ZNF865: variants seen among roughly 807,000 people sequenced by gnomAD.
The protein encoded by ZNF865 is zinc finger protein 865.
For missense variants in ZNF865, 1,311 were observed against 1,593.4 expected (o/e 0.82, Z 3.02); for synonymous variants, 763 against 750.8 (o/e 1.02, Z -0.27).
In ZNF865 at chr19:55,615,700, G is replaced by A. The variant is rs1311039466; in HGVS notation, c.2082G>A (p.Glu694=). The change falls in exon 2 of 2, where the codon GAG becomes GAA. Residue 694 remains glutamate, a synonymous_variant. Transcript: ENST00000568956. ...GTCACAAGGAGGTCCACATGGCAGA[G>A]AAGCCATACGGCTGCGACGCCTGCG... ...VMSHKEVHMA[E]KPYGCDACGK... The A allele has an allele frequency of 1.3e-6, 2 of 1,534,400 alleles. No homozygotes were observed. Among genetic ancestry groups the A allele is most frequent in the Admixed American group, 2.0e-5 (1 of 50,948 alleles).
At chr19:55,610,087 C>T (rs931133545) in intron 1 of ZNF865, among the ~76,000 whole-genome samples, 12 of 152,194 alleles carry the variant, frequency 7.9e-5, no homozygotes, top group African/African-American at 1.9e-4. Flanking sequence ...TGTCCCCCTC[C>T]GTTCCTCTGG....
intron 1 of ZNF865, among the ~76,000 whole-genome samples, chr19:55,607,069 A>G (rs774461844): frequency 1.3e-4 from 20 of 152,128 alleles, no homozygotes; most frequent in Admixed American, 3.3e-4. Context: ...AAGAGGAAGG[A>G]AGCTTTGGTC....
chr19:55,616,547 C>A lies in ZNF865; in HGVS notation c.2929C>A (p.Arg977Ser). The A allele has an allele frequency of 6.5e-7, 1 of 1,533,954 alleles. No individual in the cohort carries two copies. Among genetic ancestry groups the A allele is most frequent in the Non-Finnish European group, 8.7e-7 (1 of 1,145,832 alleles). ...CTTCTTCTACCTGAGCTCCGTGCTG[C>A]GCCACCAGCGCGCCCATGAGCCGCC... ...KGFFYLSSVL[R>S]HQRAHEPPRP... is the part of the protein sequence containing the mutation. Residue 977 changes from arginine to serine, a missense_variant, in exon 2 of 2, where the codon CGC becomes AGC. Coordinates refer to ENST00000568956, the MANE Select transcript of ZNF865 (RefSeq NM_001195605.2).
rs1257174910 is a variant in ZNF865 at position 55,614,775 on chromosome 19, G to A, written c.1157G>A (p.Ser386Asn). The part of the protein sequence containing the change: ...KPFSCSVCSK[S>N]FNRRESLKRH... Reference sequence around the variant, plus strand: ...TTCTCCTGCTCCGTGTGCAGCAAAAGCTTCAACCGCAGGGAGAGTCTGAAG... The same window carrying A: ...TTCTCCTGCTCCGTGTGCAGCAAAAACTTCAACCGCAGGGAGAGTCTGAAG... Residue 386 changes from serine (S) to asparagine (N), a missense_variant, in exon 2 of 2, where the codon AGC becomes AAC. Ser to Asn is a conservative substitution (Grantham distance 46). Coordinates refer to ENST00000568956, the MANE Select transcript of ZNF865 (RefSeq NM_001195605.2). This position sits in a 1 kb window ranked among gnomAD's most constrained non-coding sequence, Gnocchi z 8.0. 3.8e-6 allele frequency: 6 copies of A among 1,567,130 alleles called. No homozygotes were observed. The highest frequency in any genetic ancestry group is 5.1e-6 in the Non-Finnish European group (6 of 1,165,346).
At position 55,613,970 on chromosome 19, in the gene ZNF865, C is replaced by A; in HGVS notation, c.352C>A (p.Gln118Lys). 1 of 1,529,868 alleles carries A rather than the reference C, an allele frequency of 6.5e-7. No individual in the cohort carries two copies. Among genetic ancestry groups the A allele is most frequent in the South Asian group, 1.2e-5 (1 of 83,254 alleles). The allele number at this position is 1,529,868 out of a possible 1,614,324, so 94.8% of individuals were successfully genotyped here. The change falls in exon 2 of 2, where the codon CAA (glutamine) becomes AAA (lysine). Residue 118 changes from glutamine (Q) to lysine (K), a missense_variant. By Grantham distance (53) the Gln-to-Lys change is moderately conservative. Transcript: ENST00000568956. ...SSSSSSSSSS[Q>K]AKKPDPPLPP... ...GTCATCTTCGTCCTCTTCCTCTTCC[C>A]AAGCCAAGAAGCCCGATCCGCCCCT...
chr19:55,616,580 G>A lies in ZNF865; in HGVS notation c.2962G>A (p.Glu988Lys), dbSNP rs1981368404. The A allele has an allele frequency of 6.5e-7, 1 of 1,528,990 alleles. No individual in the cohort carries two copies. The highest frequency in any genetic ancestry group is 2.0e-5 in the Admixed American group (1 of 49,668). 94.7% of individuals were successfully genotyped at this position (1,528,990 alleles called of 1,614,324 possible). A position where few individuals can be genotyped will look rare whatever the true frequency, so the allele number is the denominator to read the frequency against. Residue 988 changes from glutamate (E) to lysine (K), a missense_variant, in exon 2 of 2, where the codon GAG (glutamate) becomes AAG (lysine). By Grantham distance (56) the Glu-to-Lys change is moderately conservative (BLOSUM62 1). Transcript: ENST00000568956. ...GCGCGCCCATGAGCCGCCGCGGCCC[G>A]AGCTCCGCTGCCCCGCCTGCCTCAA... The part of the protein sequence containing the change: ...HQRAHEPPRP[E>K]LRCPACLKAF...
At chr19:55,606,877 C>T (rs11667786) in intron 1 of ZNF865, among the ~76,000 whole-genome samples, 8,012 of 152,228 alleles carry the variant, frequency 0.053, 303 homozygotes, top group Non-Finnish European at 0.087. Context: ...CTCTGAGAGC[C>T]TGATGAACTA....
rs1981221164 is a variant in ZNF865 at position 55,613,699 on chromosome 19, G to T, written c.81G>T (p.Gln27His). The T allele has an allele frequency of 6.5e-7, 1 of 1,534,496 alleles. No individual in the cohort carries two copies. Among genetic ancestry groups the T allele is most frequent in the Admixed American group, 2.0e-5 (1 of 50,920 alleles). The stretch of plus-strand genomic sequence containing the variant: ...GGGGCGAGGACGGGGTGCACTTCCA[G>T]AGCTACCCCTTCGACTTCCTGGAAT... ...GIGGEDGVHF[Q>H]SYPFDFLEFL... Residue 27 changes from glutamine (Q) to histidine (H), a missense_variant, in exon 2 of 2, where the codon CAG becomes CAT. Physicochemically the swap from Gln to His is conservative, Grantham distance 24. Coordinates refer to ENST00000568956, the MANE Select transcript of ZNF865 (RefSeq NM_001195605.2).
At position 55,611,657 on chromosome 19, in the gene ZNF865, A is replaced by G. The variant is rs901467135; in HGVS notation, c.-26-1936A>G. On this transcript the variant is annotated intron_variant, in intron 1 of 1. Transcript: ENST00000568956. The surrounding 1 kb of genome is among the most constrained non-coding windows in gnomAD (Gnocchi z 4.5). ...ACACTCACCCCTCACCTGTGGGAGGAGAGAGCAGCCCGATGGATAGAGGAT... is the reference window on the plus strand; with the variant it reads ...ACACTCACCCCTCACCTGTGGGAGGGGAGAGCAGCCCGATGGATAGAGGAT... 2.6e-5 allele frequency among the ~76,000 whole-genome samples: 4 copies of G among 152,042 alleles called. No individual in the cohort carries two copies. The highest frequency in any genetic ancestry group is 9.7e-5 in the African/African-American group (4 of 41,392).
rs1568524984 is a variant in ZNF865 at position 55,611,651 on chromosome 19, G to A, written c.-26-1942G>A. On this transcript the variant is annotated intron_variant, in intron 1 of 1. Transcript: ENST00000568956. This position sits in a 1 kb window ranked among gnomAD's most constrained non-coding sequence, Gnocchi z 4.5. ...GAAGAGACACTCACCCCTCACCTGT[G>A]GGAGGAGAGAGCAGCCCGATGGATA... Among the ~76,000 whole-genome samples, 1 of 152,184 alleles carries A rather than the reference G, an allele frequency of 6.6e-6. No individual in the cohort carries two copies. Among genetic ancestry groups the A allele is most frequent in the Non-Finnish European group, 1.5e-5 (1 of 68,040 alleles).
intron 1 of ZNF865, among the ~76,000 whole-genome samples, chr19:55,608,471 CG>C (rs1432428838): frequency 2.0e-5 from 3 of 151,952 alleles, no homozygotes; most frequent in African/African-American, 4.8e-5. Context: ...TGTGCCACCA[CG>C]CCCAGCTAAT....
In ZNF865 at chr19:55,614,734, C is replaced by T. The variant is rs757588674; in HGVS notation, c.1116C>T (p.His372=). Residue 372 remains histidine, a synonymous_variant, in exon 2 of 2, where the codon CAC becomes CAT. Coordinates refer to ENST00000568956, the MANE Select transcript of ZNF865 (RefSeq NM_001195605.2). This position sits in a 1 kb window ranked among gnomAD's most constrained non-coding sequence, Gnocchi z 8.0. ...ACCTCCACCAGCACCAGATCATCCA[C>T]ACGGGCGAGAAGCCCTTCTCCTGCT... ...PSHLHQHQII[H]TGEKPFSCSV... The T allele has an allele frequency of 5.7e-6, 9 of 1,587,482 alleles. No individual in the cohort carries two copies. Among genetic ancestry groups the T allele is most frequent in the Middle Eastern group, 1.7e-4 (1 of 6,044 alleles).
In ZNF865 at chr19:55,614,873, G is replaced by T. The variant is rs1263931302; in HGVS notation, c.1255G>T (p.Ala419Ser). The change falls in exon 2 of 2, where the codon GCC becomes TCC. Residue 419 changes from alanine (A) to serine (S), a missense_variant. Coordinates refer to ENST00000568956, the MANE Select transcript of ZNF865 (RefSeq NM_001195605.2). This position sits in a 1 kb window ranked among gnomAD's most constrained non-coding sequence, Gnocchi z 8.0. ...CATCTGCGGGAAGGCCTTCCGCGACGCCTCCTACCTCCTCAAGCACCAGGC... is the reference window on the plus strand; with the variant it reads ...CATCTGCGGGAAGGCCTTCCGCGACTCCTCCTACCTCCTCAAGCACCAGGC... ...CGICGKAFRD[A>S]SYLLKHQAAH... 5.9e-6 allele frequency: 9 copies of T among 1,512,678 alleles called. No individual in the cohort carries two copies. In the South Asian group the frequency reaches 7.4e-5, roughly 12 times the overall value. The allele number at this position is 1,512,678 out of a possible 1,614,324, so 93.7% of individuals were successfully genotyped here.
intron 1 of ZNF865, among the ~76,000 whole-genome samples, chr19:55,610,554 C>T (rs1187262974): frequency 1.3e-5 from 2 of 152,198 alleles, no homozygotes; most frequent in Admixed American, 6.6e-5. Context: ...GGCCACCGCA[C>T]CTGGCCAGCA....
At chr19:55,613,517 G>A (rs1334608300) in intron 1 of ZNF865, 76 bp from the exon 2 acceptor site, 20 of 1,293,734 alleles carry the variant, frequency 1.5e-5, no homozygotes, top group Non-Finnish European at 1.5e-5. Flanking sequence ...ATGGATGAGT[G>A]GGCGCACAGC....
chr19:55,608,891 G>A (rs1238114068), intron 1 of ZNF865, among the ~76,000 whole-genome samples: 1 of 152,186 alleles, frequency 6.6e-6, no homozygotes, highest in Non-Finnish European at 1.5e-5. Context: ...TATGAAGTGG[G>A]ATTGGGGGCG....
Position 55,616,692 on chromosome 19 carries a change from G to A in ZNF865, c.3074G>A (p.Gly1025Asp), listed in dbSNP as rs929849859. Residue 1025 changes from glycine to aspartate, a missense_variant, in exon 2 of 2, where the codon GGC becomes GAC. Gly to Asp is a moderately conservative substitution (Grantham distance 94). Coordinates refer to ENST00000568956, the MANE Select transcript of ZNF865 (RefSeq NM_001195605.2). ...RPFRCSSCGE[G>D]FANTYGLKKH... ...TTCCGCTGCTCCTCCTGCGGCGAGGGCTTCGCCAACACCTACGGCCTCAAG... is the reference window on the plus strand; with the variant it reads ...TTCCGCTGCTCCTCCTGCGGCGAGGACTTCGCCAACACCTACGGCCTCAAG... The A allele has an allele frequency of 6.5e-7, 1 of 1,529,500 alleles. No individual in the cohort carries two copies. Among genetic ancestry groups the A allele is most frequent in the Non-Finnish European group, 8.7e-7 (1 of 1,144,112 alleles). The allele number at this position is 1,529,500 out of a possible 1,614,324, so 94.7% of individuals were successfully genotyped here. A position where few individuals can be genotyped will look rare whatever the true frequency, so the allele number is the denominator to read the frequency against.
Position 55,615,655 on chromosome 19 carries a change from G to A in ZNF865, c.2037G>A (p.Pro679=). Residue 679 remains proline, a synonymous_variant, in exon 2 of 2, where the codon CCG becomes CCA. Transcript: ENST00000568956. ...GCTCGGACTGCGGCGAGCACTTCCC[G>A]GATCTCTTTCACGTCATGAGTCACA... ...YACSDCGEHF[P]DLFHVMSHKE... is the part of the protein sequence containing the mutation. The A allele has an allele frequency of 2.0e-6, 3 of 1,534,634 alleles. No homozygotes were observed. The highest frequency in any genetic ancestry group is 1.4e-5 in the African/African-American group (1 of 73,028).
Position 55,616,298 on chromosome 19 carries a change from C to A in ZNF865, c.2680C>A (p.His894Asn). 1 of 1,519,480 alleles carries A rather than the reference C, an allele frequency of 6.6e-7. No homozygotes were observed. The highest frequency in any genetic ancestry group is 2.1e-5 in the Admixed American group (1 of 48,608). The allele number at this position is 1,519,480 out of a possible 1,614,324, so 94.1% of individuals were successfully genotyped here. A position where few individuals can be genotyped will look rare whatever the true frequency, so the allele number is the denominator to read the frequency against. Residue 894 changes from histidine to asparagine, a missense_variant, in exon 2 of 2, where the codon CAC becomes AAC. Transcript: ENST00000568956. ...CCTGCGCTCCTGGTACCTGCGGCAG[C>A]ACCGCGTGGTGCACACTGGCGAGCG... ...GFLRSWYLRQHRVVHTGERAF... is the reference protein window; with the variant it reads ...GFLRSWYLRQNRVVHTGERAF...
Sources: gnomAD v4.1 joint callset for allele counts (sites outside exome capture counted in the v4.1 genomes callset) on GRCh38, gnomAD v4.1.1 for gene constraint, Gnocchi (gnomAD v3.1) non-coding constraint, MANE v1.5 for transcripts, NCBI Gene and HGNC (gene_info 2026-07-23, HGNC 2026-07-21) for gene names.